MPP2: variants seen among roughly 807,000 people sequenced by gnomAD.
MPP2 encodes the protein MAGUK p55 scaffold protein 2.
Under a neutral mutation model 58.5 loss-of-function variants are expected in MPP2, and 42 were observed. The observed-to-expected ratio is 0.72, with a 90% CI of 0.56 to 0.93. The LOEUF (loss-of-function observed/expected upper bound fraction) is 0.93. Among genes scored for constraint, MPP2 ranks in the 40% least tolerant of loss-of-function variants. The pLI is 0.00. For missense variants in MPP2, 632 were observed against 760.4 expected (o/e 0.83, Z 1.99); for synonymous variants, 300 against 307.8 (o/e 0.97, Z 0.26).
intron 3 of MPP2, among the ~76,000 whole-genome samples, chr17:43,893,916 T>C (rs1430595475): frequency 6.6e-6 from 1 of 152,172 alleles, no homozygotes; most frequent in Non-Finnish European, 1.5e-5. Context: ...GTACTACTTG[T>C]ATGAAATAGA....
chr17:43,890,254 C>CTT (rs34737906), intron 3 of MPP2, among the ~76,000 whole-genome samples: 1 of 152,048 alleles, frequency 6.6e-6, no homozygotes, highest in South Asian at 2.1e-4. Context: ...ACTTATTCTT[C>CTT]TTTTTCATGT....
chr17:43,880,874 T>G lies in MPP2; in HGVS notation c.989-22A>C, dbSNP rs757333905. The G allele has an allele frequency of 6.3e-7, 1 of 1,584,378 alleles. No homozygotes were observed. On this transcript the variant is annotated intron_variant, in intron 9 of 12. Transcript: ENST00000269095. The surrounding 1 kb of genome is among the most constrained non-coding windows in gnomAD (Gnocchi z 5.2). ...AACTCTGGACACAGGGAGATGGCGC[T>G]GCTCACCAGGCTGCACGGTGAGGGA...
chr17:43,879,704 T>C lies in MPP2; in HGVS notation c.1353+78A>G, dbSNP rs1402903527. ...TACATGGGCGTGTTCAGGTGACAGG[T>C]GTCTGGAACTATATGGGGGAGCAAT... On this transcript the variant is annotated intron_variant, in intron 11 of 12. Coordinates refer to ENST00000269095, the MANE Select transcript of MPP2 (RefSeq NM_005374.5). The surrounding 1 kb of genome is among the most constrained non-coding windows in gnomAD (Gnocchi z 4.1). The C allele has an allele frequency of 6.7e-7, 1 of 1,503,492 alleles. No homozygotes were observed. Among genetic ancestry groups the C allele is most frequent in the Admixed American group, 1.8e-5 (1 of 57,050 alleles). The allele number at this position is 1,503,492 out of a possible 1,614,324, so 93.1% of individuals were successfully genotyped here. A position where few individuals can be genotyped will look rare whatever the true frequency, so the allele number is the denominator to read the frequency against.
intron 3 of MPP2, among the ~76,000 whole-genome samples, chr17:43,895,259 G>A (rs754302759): frequency 8.6e-5 from 13 of 152,010 alleles, no homozygotes; most frequent in Non-Finnish European, 1.9e-4. Context: ...GACTACAGGT[G>A]AATGCCACCA....
chr17:43,886,757 A>T (rs1287895943), intron 3 of MPP2, among the ~76,000 whole-genome samples: 1 of 152,192 alleles, frequency 6.6e-6, no homozygotes, highest in East Asian at 1.9e-4. Flanking sequence ...CATGTCTGCC[A>T]ATCACATGGA....
intron 3 of MPP2, among the ~76,000 whole-genome samples, chr17:43,889,173 G>A (rs1054529374): frequency 1.3e-5 from 2 of 152,054 alleles, no homozygotes; most frequent in African/African-American, 4.8e-5. Context: ...TGATCTGCCT[G>A]CCTCGGCCTC....
upstream of MPP2, chr17:43,908,000 G>T (rs79916838): frequency 2.2e-3 from 2,149 of 984,076 alleles, 16 homozygotes; most frequent in African/African-American, 0.011. Context: ...AAGGCCTCGG[G>T]ATCAGGGGCA....
At chr17:43,893,572 CAGG>C (rs1023892183) in intron 3 of MPP2, among the ~76,000 whole-genome samples, 1 of 152,220 alleles carries the variant, frequency 6.6e-6, no homozygotes. Context: ...AGGTGAACAG[CAGG>C]AGGTGAGCAA....
chr17:43,887,819 T>G (rs1240574529), intron 3 of MPP2, among the ~76,000 whole-genome samples: 4 of 152,088 alleles, frequency 2.6e-5, no homozygotes, highest in Non-Finnish European at 5.9e-5. Flanking sequence ...TTTGATTTTT[T>G]TTTTAGGTGT....
In MPP2 at chr17:43,896,246, G is replaced by A. The variant is rs146562474; in HGVS notation, c.150+2016C>T. On this transcript the variant is annotated intron_variant, in intron 3 of 12. Transcript: ENST00000269095. The stretch of plus-strand genomic sequence containing the variant: ...GCCTCAGTCTTCTCCCCACCCTGAC[G>A]CCTGCCATAGCCCTACATGCCAATA... 3.6e-3 allele frequency among the ~76,000 whole-genome samples: 551 copies of A among 151,932 alleles called. 4 individuals carry two copies. Among genetic ancestry groups the A allele is most frequent in the African/African-American group, 0.012 (510 of 41,410 alleles).
chr17:43,883,426 C>A, intron 3 of MPP2, 71 bp from the exon 4 acceptor site: 1 of 1,515,364 alleles, frequency 6.6e-7, no homozygotes, highest in Non-Finnish European at 8.8e-7. Flanking sequence ...GCAGGGTCCT[C>A]CCTCAGCCCC....
intron 3 of MPP2, among the ~76,000 whole-genome samples, chr17:43,898,005 G>C (rs1033613721): frequency 6.6e-6 from 1 of 152,178 alleles, no homozygotes; most frequent in Non-Finnish European, 1.5e-5. Flanking sequence ...ATGCTAGCCC[G>C]CACCAATCAC....
chr17:43,903,562 C>CTGTA (rs1381041449), intron 2 of MPP2, among the ~76,000 whole-genome samples: 4 of 152,050 alleles, frequency 2.6e-5, no homozygotes, highest in African/African-American at 9.7e-5. Context: ...TGGTGCACAC[C>CTGTA]TGTAGTCCCA....
At chr17:43,888,850 C>G (rs2143639655) in intron 3 of MPP2, among the ~76,000 whole-genome samples, 1 of 152,310 alleles carries the variant, frequency 6.6e-6, no homozygotes, top group Admixed American at 6.5e-5. Flanking sequence ...GCTCTCCAAG[C>G]TCAACCTCAT....
chr17:43,907,610 G>GGAGGT (rs1416802691), upstream of MPP2: 4 of 985,514 alleles, frequency 4.1e-6, no homozygotes, highest in African/African-American at 1.7e-5. Context: ...GGAGGAGAGG[G>GGAGGT]GAGGTGAGGA....
rs1203521813 is a variant in MPP2 at position 43,875,627 on chromosome 17, T to A, written c.*2180A>T. 1 of 151,742 alleles carries A rather than the reference T, an allele frequency of 6.6e-6. No homozygotes were observed. The highest frequency in any genetic ancestry group is 1.9e-4 in the East Asian group (1 of 5,194). The allele number at this position is 151,742 out of a possible 1,614,324, so 9.4% of individuals were successfully genotyped here. The stretch of plus-strand genomic sequence containing the variant: ...GCCCTGTTCCAGGTGAGCCAAGGAC[T>A]GACAGCCTCTGCTAGGTACCTGGGA... On this transcript the variant is annotated 3_prime_UTR_variant, in exon 13 of 13. Transcript: ENST00000269095.
In MPP2 at chr17:43,884,013, A is replaced by G. The variant is rs1316252235; in HGVS notation, c.151-658T>C. The G allele has an allele frequency of 8.8e-6, 6 of 679,018 alleles. No homozygotes were observed. In the Middle Eastern group the frequency reaches 7.1e-4, roughly 80 times the overall value. 42.1% of individuals were successfully genotyped at this position (679,018 alleles called of 1,614,324 possible). ...AGGAAGAAAAGAATTCCATTTCAAT[A>G]ATATATATGAAGACCATTTTTCCCC... On this transcript the variant is annotated intron_variant, in intron 3 of 12. Transcript: ENST00000269095.
intron 2 of MPP2, among the ~76,000 whole-genome samples, chr17:43,899,394 A>T (rs201519095): frequency 1.2e-4 from 1 of 8,080 alleles, no homozygotes; most frequent in Admixed American, 3.8e-3. Context: ...GTACAGGCCC[A>T]GAGTCAAGCA....
At chr17:43,903,275 CA>C (rs5820512) in intron 2 of MPP2, among the ~76,000 whole-genome samples, 63,500 of 138,426 alleles carry the variant, frequency 0.46, 15,110 homozygotes, top group East Asian at 0.66. Context: ...GACTCCATCT[CA>C]AAAAAAAAAA....
Sources: gnomAD v4.1 joint callset for allele counts (sites outside exome capture counted in the v4.1 genomes callset) on GRCh38, gnomAD v4.1.1 for gene constraint, Gnocchi (gnomAD v3.1) non-coding constraint, MANE v1.5 for transcripts, NCBI Gene and HGNC (gene_info 2026-07-23, HGNC 2026-07-21) for gene names.